The following NRIP1 variants were observed in gnomAD, a reference collection of about 807,000 sequenced individuals.
The protein encoded by NRIP1 is nuclear receptor interacting protein 1, also known as nuclear receptor-interacting protein 1.
Under a neutral mutation model 75.0 loss-of-function variants are expected in NRIP1, and 28 were observed. That is an observed-to-expected ratio of 0.37 (90% CI 0.28 to 0.51). The LOEUF is 0.51. NRIP1 is among the 20% of genes least tolerant of loss of function. NRIP1 has a pLI of 0.92. For missense variants in NRIP1, 1,435 were observed against 1,343.7 expected (o/e 1.07, Z -1.06); for synonymous variants, 526 against 487.6 (o/e 1.08, Z -1.04).
chr21:15,064,091 G>GA (rs1978604216), intron 1 of NRIP1, among the ~76,000 whole-genome samples: 1 of 152,256 alleles, frequency 6.6e-6, no homozygotes, highest in Non-Finnish European at 1.5e-5. Flanking sequence ...GAAGAAGGGA[G>GA]AAAAGGCAGC....
chr21:15,030,096 T>C (rs1397849657), intron 2 of NRIP1, among the ~76,000 whole-genome samples: 1 of 152,158 alleles, frequency 6.6e-6, no homozygotes, highest in African/African-American at 2.4e-5. Flanking sequence ...ATGATTTAAT[T>C]ATGACCAGTG....
intron 2 of NRIP1, among the ~76,000 whole-genome samples, chr21:15,028,106 GTATC>G (rs1370823980): frequency 1.3e-5 from 2 of 152,250 alleles, no homozygotes; most frequent in Non-Finnish European, 1.5e-5. Context: ...TACTTCTTGA[GTATC>G]TAGCATGTGA....
rs746902583 is a variant in NRIP1, at chr21:14,965,245, CCATTTAA to C, written c.2941_2947del (p.Leu981AspfsTer2). 1 of 1,613,816 alleles carries C rather than the reference CCATTTAA, an allele frequency of 6.2e-7. No individual in the cohort carries two copies. Among genetic ancestry groups the C allele is most frequent in the Non-Finnish European group, 8.5e-7 (1 of 1,179,934 alleles). ...GGGCTGAGTGGAACTGTACATCAGT[CCATTTAA>C]AGAAGAAATGCTAAATTCAGGTTTG... On this transcript the variant is annotated frameshift_variant, in exon 4 of 4. Coordinates refer to ENST00000318948, the MANE Select transcript of NRIP1 (RefSeq NM_003489.4). LOFTEE classifies it high-confidence loss of function.
In NRIP1 at chr21:15,003,673, G is replaced by C. The variant is rs541401443; in HGVS notation, c.-335+10671C>G. ...CCACCATTTGTCAGCAGGGAGGCTG[G>C]AGGAGGCAGGCTTGCTACAAGGGGA... On this transcript the variant is annotated intron_variant, in intron 3 of 3. Transcript: ENST00000318948. Among the ~76,000 whole-genome samples the C allele has an allele frequency of 6.6e-5, 10 of 152,270 alleles. No homozygotes were observed. The South Asian group carries it at 2.1e-3, about 32-fold the overall frequency.
At chr21:15,003,294 T>C (rs1364113420) in intron 3 of NRIP1, among the ~76,000 whole-genome samples, 1 of 152,086 alleles carries the variant, frequency 6.6e-6, no homozygotes, top group African/African-American at 2.4e-5. Flanking sequence ...AAGAAACTTA[T>C]TAGGAGGCAT....
At chr21:15,002,062 A>G (rs942687166) in intron 3 of NRIP1, 4 of 152,126 alleles carry the variant, frequency 2.6e-5, no homozygotes, top group African/African-American at 9.7e-5. Flanking sequence ...CATACTCTCC[A>G]TTCATTTATT....
At position 15,033,620 on chromosome 21, in the gene NRIP1, T is replaced by C. The variant is rs560652162; in HGVS notation, c.-458+9875A>G. ...TTTAAAACAATTATCGAGTGGGTTA[T>C]TGTCAGTTATCATTATTAACTTTAT... is the stretch of plus-strand genomic sequence containing the variant. On this transcript the variant is annotated intron_variant, in intron 2 of 3. Transcript: ENST00000318948. 2.0e-5 allele frequency among the ~76,000 whole-genome samples: 3 copies of C among 152,342 alleles called. No individual in the cohort carries two copies. The East Asian group carries it at 5.8e-4, about 29-fold the overall frequency.
intron 2 of NRIP1, among the ~76,000 whole-genome samples, chr21:15,037,769 T>A (rs1160634738): frequency 6.6e-6 from 1 of 152,134 alleles, no homozygotes; most frequent in Non-Finnish European, 1.5e-5. Flanking sequence ...TCATGAGATA[T>A]GCAAGGAACC....
intron 1 of NRIP1, among the ~76,000 whole-genome samples, chr21:15,054,519 C>G (rs1021274291): frequency 2.0e-5 from 3 of 152,064 alleles, no homozygotes; most frequent in East Asian, 1.9e-4. Context: ...TCACTTTTTC[C>G]CTCATAATTA....
intron 1 of NRIP1, among the ~76,000 whole-genome samples, chr21:15,061,457 T>G (rs1417919076): frequency 3.9e-5 from 6 of 152,182 alleles, no homozygotes; most frequent in Non-Finnish European, 8.8e-5. Context: ...AGACAGTGTT[T>G]ATTTTAGAAA....
intron 3 of NRIP1, among the ~76,000 whole-genome samples, chr21:14,998,245 C>A (rs1169630147): frequency 3.3e-5 from 5 of 152,178 alleles, no homozygotes. Flanking sequence ...TTTGGATGGA[C>A]CTTCTCAGTC....
At chr21:14,981,441 A>G (rs2087230574) in intron 3 of NRIP1, among the ~76,000 whole-genome samples, 1 of 152,228 alleles carries the variant, frequency 6.6e-6, no homozygotes, top group Non-Finnish European at 1.5e-5. Context: ...CTGCCTGTGC[A>G]GCAGGGACAG....
chr21:14,989,058 A>C (rs2087493446), intron 3 of NRIP1, among the ~76,000 whole-genome samples: 1 of 152,154 alleles, frequency 6.6e-6, no homozygotes, highest in Non-Finnish European at 1.5e-5. Flanking sequence ...CATGCCTCTA[A>C]CAAGTCCTCC....
chr21:14,981,922 G>A (rs1882961459), intron 3 of NRIP1, among the ~76,000 whole-genome samples: 1 of 148,828 alleles, frequency 6.7e-6, no homozygotes, highest in African/African-American at 2.5e-5. Flanking sequence ...CGCCATCTCA[G>A]CTCAGCACAA....
At position 14,961,654 on chromosome 21, in the gene NRIP1, C is replaced by G. The variant is rs1482514048; in HGVS notation, c.*3062G>C. On this transcript the variant is annotated 3_prime_UTR_variant, in exon 4 of 4. Coordinates refer to ENST00000318948, the MANE Select transcript of NRIP1 (RefSeq NM_003489.4). Reference sequence around the variant, plus strand: ...AGACGTCATGTCCAGAAATGGAATACTGTCATGTTAGGATGAACATCTGAT... The same window carrying G: ...AGACGTCATGTCCAGAAATGGAATAGTGTCATGTTAGGATGAACATCTGAT... 14 of 152,438 alleles carry G rather than the reference C, an allele frequency of 9.2e-5. No homozygotes were observed. The allele number at this position is 152,438 out of a possible 1,614,324, so 9.4% of individuals were successfully genotyped here. A position where few individuals can be genotyped will look rare whatever the true frequency, so the allele number is the denominator to read the frequency against.
intron 3 of NRIP1, among the ~76,000 whole-genome samples, chr21:14,982,602 A>T (rs1241733771): frequency 6.6e-6 from 1 of 151,780 alleles, no homozygotes; most frequent in African/African-American, 2.4e-5. Context: ...ACTCCACGGC[A>T]CTCAGTAGAT....
intron 2 of NRIP1, among the ~76,000 whole-genome samples, chr21:15,028,888 G>A (rs1391337378): frequency 6.6e-6 from 1 of 151,790 alleles, no homozygotes; most frequent in African/African-American, 2.4e-5. Context: ...ATCCCCATTT[G>A]GAGGTCTCCA....
Position 14,967,232 on chromosome 21 carries a change from T to A in NRIP1, c.961A>T (p.Met321Leu). 1 of 1,614,052 alleles carries A rather than the reference T, an allele frequency of 6.2e-7. No individual in the cohort carries two copies. Among genetic ancestry groups the A allele is most frequent in the Non-Finnish European group, 8.5e-7 (1 of 1,179,998 alleles). ...DVGSYQLPKG[M>L]SSHLNGQART... is the part of the protein sequence containing the mutation. ...GCCTGACCATTAAGATGGCTTGACA[T>A]TCCTTTTGGGAGCTGGTAACTGCCA... The change falls in exon 4 of 4, where the codon ATG becomes TTG. Residue 321 changes from methionine to leucine, a missense_variant. Transcript: ENST00000318948.
intron 3 of NRIP1, among the ~76,000 whole-genome samples, chr21:14,969,577 GGAA>G (rs2086849985): frequency 6.6e-6 from 1 of 152,150 alleles, no homozygotes; most frequent in African/African-American, 2.4e-5. Context: ...TGACACCTTT[GGAA>G]GAGAAGCTGG....
Sources: gnomAD v4.1 joint callset for allele counts (sites outside exome capture counted in the v4.1 genomes callset) on GRCh38, gnomAD v4.1.1 for gene constraint, MANE v1.5 for transcripts, NCBI Gene and HGNC (gene_info 2026-07-23, HGNC 2026-07-21) for gene names.